The following KIF11 variants were observed in gnomAD, a reference collection of about 807,000 sequenced individuals.
KIF11 encodes kinesin-like protein KIF11.
KIF11 carries 9 observed loss-of-function variants against 121.0 expected under a neutral mutation model. The ratio of observed to expected loss-of-function variants is 0.07; its 90% CI spans 0.04 to 0.13. KIF11 has a LOEUF of 0.13. KIF11 is among the 10% of genes least tolerant of loss of function. KIF11 has a pLI of 1.00. For missense variants in KIF11, 846 were observed against 1,217.5 expected, an observed-to-expected ratio of 0.69 and a Z score of 4.54; for synonymous variants, 408 against 421.0, an observed-to-expected ratio of 0.97 and a Z score of 0.38.
At chr10:92,652,158 G>C (rs1400004607) in intron 21 of KIF11, among the ~76,000 whole-genome samples, 3 of 151,036 alleles carry the variant, frequency 2.0e-5, no homozygotes, top group African/African-American at 7.3e-5. Context: ...TTTTGTTTTT[G>C]AGACGGAGTT....
chr10:92,650,093 T>C, intron 20 of KIF11, 107 bp downstream of exon 20: 1 of 807,478 alleles, frequency 1.2e-6, no homozygotes, highest in Non-Finnish European at 2.0e-6. Flanking sequence ...TTACCCCGCC[T>C]CTCATTAATG....
intron 17 of KIF11, among the ~76,000 whole-genome samples, chr10:92,644,214 G>A (rs567516141): frequency 1.3e-5 from 2 of 152,318 alleles, no homozygotes; most frequent in Admixed American, 1.3e-4. Context: ...GAATCTAGGT[G>A]ATGTTTATGT....
rs959622076 is a variant in KIF11, at chr10:92,618,414, G to A, written c.1128+1582G>A. 5.3e-5 allele frequency among the ~76,000 whole-genome samples: 8 copies of A among 151,930 alleles called. No individual in the cohort carries two copies. The South Asian group carries it at 6.2e-4, about 12-fold the overall frequency. ...AATCCCAGCACTTTGGGAGGCCGAG[G>A]TAGGCGGATTGCTTTAGATCAGGAG... On this transcript the variant is annotated intron_variant, in intron 9 of 21. Transcript: ENST00000260731.
intron 12 of KIF11, 144 bp from the exon 13 acceptor site, chr10:92,632,342 A>G: frequency 6.9e-6 from 4 of 575,898 alleles, no homozygotes; most frequent in Non-Finnish European, 9.2e-6. Flanking sequence ...TAATTTTTGT[A>G]TTTTTAGTAG....
intron 1 of KIF11, among the ~76,000 whole-genome samples, chr10:92,597,761 C>T (rs2135895221): frequency 6.6e-6 from 1 of 151,628 alleles, no homozygotes; most frequent in Non-Finnish European, 1.5e-5. Flanking sequence ...AAGCCATTTT[C>T]CTGCCTCAGC....
intron 17 of KIF11, among the ~76,000 whole-genome samples, chr10:92,643,574 T>G (rs1844889204): frequency 6.6e-6 from 1 of 150,490 alleles, no homozygotes; most frequent in African/African-American, 2.4e-5. Context: ...TTTTTTTTTT[T>G]GAGAGGGAGT....
At chr10:92,598,998 G>A (rs192757143) in intron 1 of KIF11, among the ~76,000 whole-genome samples, 3 of 152,190 alleles carry the variant, frequency 2.0e-5, no homozygotes, top group African/African-American at 2.4e-5. Flanking sequence ...GGCTGGTCAC[G>A]AACTCTTGAC....
In KIF11 at chr10:92,613,643, C is replaced by G. The variant is rs181770632; in HGVS notation, c.1032+24C>G. 21 of 1,589,628 alleles carry G rather than the reference C, an allele frequency of 1.3e-5. No individual in the cohort carries two copies. The African/African-American group carries it at 2.4e-4, about 18-fold the overall frequency. On this transcript the variant is annotated intron_variant, in intron 8 of 21. Coordinates refer to ENST00000260731, the MANE Select transcript of KIF11 (RefSeq NM_004523.4). The surrounding 1 kb of genome is among the most constrained non-coding windows in gnomAD (Gnocchi z 4.2). Reference sequence around the variant, plus strand: ...AGGTAAGCCCTTTGAAAGGAAGCTGCAAGTGTAGTAGCTGTAATTCTTATT... The same window carrying G: ...AGGTAAGCCCTTTGAAAGGAAGCTGGAAGTGTAGTAGCTGTAATTCTTATT...
intron 1 of KIF11, among the ~76,000 whole-genome samples, 196 bp downstream of exon 1, chr10:92,593,648 G>A (rs1335475411): frequency 2.0e-5 from 3 of 152,142 alleles, no homozygotes; most frequent in Admixed American, 6.6e-5. Flanking sequence ...TGTTTGATTT[G>A]ATCACTGTTC....
At chr10:92,636,151 G>C (rs1216375170) in intron 14 of KIF11, among the ~76,000 whole-genome samples, 1 of 152,166 alleles carries the variant, frequency 6.6e-6, no homozygotes, top group East Asian at 1.9e-4. Context: ...CCAGCCCAAG[G>C]GCTAATCTTG....
intron 9 of KIF11, 52 bp downstream of exon 9, chr10:92,616,884 A>G (rs1844563153): frequency 4.8e-6 from 5 of 1,041,326 alleles, no homozygotes; most frequent in African/African-American, 3.2e-5. Context: ...AAATGTGAAA[A>G]TAAGAAACTG....
At chr10:92,621,320 C>A in intron 9 of KIF11, 65 bp from the exon 10 acceptor site, 1 of 861,696 alleles carries the variant, frequency 1.2e-6, no homozygotes, top group Non-Finnish European at 1.9e-6. Context: ...TTATTTGTTG[C>A]ATGTCCTTCC....
chr10:92,618,480 T>C (rs963099748), intron 9 of KIF11, among the ~76,000 whole-genome samples: 1 of 151,562 alleles, frequency 6.6e-6, no homozygotes. Context: ...CCCTCATCTC[T>C]ACTAAAAATA....
At chr10:92,618,650 A>C (rs1009581052) in intron 9 of KIF11, among the ~76,000 whole-genome samples, 4 of 151,646 alleles carry the variant, frequency 2.6e-5, no homozygotes, top group Non-Finnish European at 5.9e-5. Flanking sequence ...TCTCAAAAAA[A>C]AAAAAAAGAA....
rs1844846129 is a variant in KIF11 at position 92,639,824 on chromosome 10, G to A, written c.2191G>A (p.Glu731Lys). ...ELCKLMNLWT[E>K]RFCALEEKCE... ...TTGCAAGTTAATGAATCTTTGGACAGAGAGATTCTGTGCTTTGGAGGAAAA... is the reference window on the plus strand; with the variant it reads ...TTGCAAGTTAATGAATCTTTGGACAAAGAGATTCTGTGCTTTGGAGGAAAA... The change falls in exon 17 of 22, where the codon GAG becomes AAG. Residue 731 changes from glutamate to lysine, a missense_variant. Around this residue, in one of 5 missense-constraint regions of KIF11, gnomAD observed 492 missense variants for 603.4 expected, o/e 0.82. Transcript: ENST00000260731. 1 of 1,611,830 alleles carries A rather than the reference G, an allele frequency of 6.2e-7. No homozygotes were observed. Among genetic ancestry groups the A allele is most frequent in the African/African-American group, 1.3e-5 (1 of 74,864 alleles).
At position 92,648,324 on chromosome 10, in the gene KIF11, A is replaced by G. The variant is rs758895411; in HGVS notation, c.2660A>G (p.Asp887Gly). The G allele has an allele frequency of 7.4e-6, 12 of 1,612,254 alleles. No homozygotes were observed. The African/African-American group carries it at 1.2e-4, about 16-fold the overall frequency. Residue 887 changes from aspartate (D) to glycine (G), a missense_variant, in exon 19 of 22, where the codon GAT becomes GGT. Transcript: ENST00000260731. ...HNIFLDQMTI[D>G]EDKLIAQNLE... ...ATTTTTCTTGATCAGATGACTATTG[A>G]TGAAGATAAATTGATAGCACAAAAT...
chr10:92,630,867 CAAA>C (rs58123701), intron 12 of KIF11, among the ~76,000 whole-genome samples: 4 of 100,026 alleles, frequency 4.0e-5, no homozygotes, highest in Admixed American at 1.2e-4. Context: ...AACTCCGTCT[CAAA>C]AAAAAAAAAA....
intron 19 of KIF11, 126 bp downstream of exon 19, chr10:92,648,560 C>A: frequency 3.3e-6 from 2 of 605,704 alleles, no homozygotes; most frequent in Non-Finnish European, 5.8e-6. Context: ...TCACTGTAAT[C>A]AACTCAAAAT....
At chr10:92,617,494 G>C (rs561491192) in intron 9 of KIF11, among the ~76,000 whole-genome samples, 1 of 152,192 alleles carries the variant, frequency 6.6e-6, no homozygotes, top group East Asian at 1.9e-4. Context: ...TTCTGTACAT[G>C]TCTTTGTGTT....
Sources: allele counts gnomAD v4.1 joint callset (sites outside exome capture counted in the v4.1 genomes callset), GRCh38; gene constraint gnomAD v4.1.1; regional missense constraint gnomAD v4.1.1; non-coding constraint Gnocchi (gnomAD v3.1); transcripts MANE v1.5; gene names NCBI Gene and HGNC (gene_info 2026-07-23, HGNC 2026-07-21).